The following GLIS3 variants were observed in gnomAD, a reference collection of about 807,000 sequenced individuals.
The protein encoded by GLIS3 is zinc finger protein GLIS3.
Under a neutral mutation model 78.6 loss-of-function variants are expected in GLIS3, and 53 were observed. That is an observed-to-expected ratio of 0.67 (90% CI 0.54 to 0.85). The LOEUF is 0.85. Ranked by LOEUF, GLIS3 falls within the 40% of genes least tolerant of loss-of-function variation. The probability of loss-of-function intolerance (pLI) is 0.00; values close to 1 mark genes in which losing one functional copy is unlikely to be tolerated. For synonymous variants in GLIS3, 684 were observed against 509.9 expected (o/e 1.34, Z -4.60); for missense variants, 1,703 against 1,231.1 (o/e 1.38, Z -5.74).
chr9:4,366,835 G>A, the GLIS3 span, among the ~76,000 whole-genome samples: 1 of 152,170 alleles, frequency 6.6e-6, no homozygotes, highest in Non-Finnish European at 1.5e-5. Flanking sequence ...CCAAACAGTT[G>A]AGCCAACTGC....
chr9:4,206,396 A>G (rs761767826), intron 2 of GLIS3, among the ~76,000 whole-genome samples: 2 of 152,174 alleles, frequency 1.3e-5, no homozygotes, highest in Non-Finnish European at 2.9e-5. Flanking sequence ...CTAACATCTA[A>G]CCTTGAAAGA....
the GLIS3 span, among the ~76,000 whole-genome samples, chr9:4,385,773 G>C: frequency 1.2e-4 from 8 of 69,386 alleles, 1 homozygote; most frequent in African/African-American, 6.2e-4. Flanking sequence ...AAGAAAGAAA[G>C]AAAGAAAGAA....
Position 3,833,135 on chromosome 9 carries a change from C to T in GLIS3, c.2474-3643G>A, listed in dbSNP as rs116232989. Among the ~76,000 whole-genome samples, 585 of 152,310 alleles carry T rather than the reference C, an allele frequency of 3.8e-3. 5 individuals are homozygous for T. The highest frequency in any genetic ancestry group is 0.013 in the African/African-American group (561 of 41,574). ...ATCTGAGCGAGGAGGACAGAGTAGA[C>T]TCTAATTCCTGCCTGTGGGTGTCTT... On this transcript the variant is annotated intron_variant, in intron 9 of 10. Coordinates refer to ENST00000381971, the MANE Select transcript of GLIS3 (RefSeq NM_001042413.2).
intron 2 of GLIS3, among the ~76,000 whole-genome samples, chr9:4,144,163 T>C (rs1834028039): frequency 6.6e-6 from 1 of 152,118 alleles, no homozygotes; most frequent in African/African-American, 2.4e-5. Flanking sequence ...TGCTGTCCTG[T>C]CATCTGACAC....
chr9:4,184,024 G>A (rs1385560251), intron 2 of GLIS3, among the ~76,000 whole-genome samples: 1 of 152,098 alleles, frequency 6.6e-6, no homozygotes, highest in Non-Finnish European at 1.5e-5. Flanking sequence ...GGAAATCAAT[G>A]AGGAACATGA....
At chr9:4,446,405 G>A in the GLIS3 span, among the ~76,000 whole-genome samples, 1 of 151,876 alleles carries the variant, frequency 6.6e-6, no homozygotes, top group African/African-American at 2.4e-5. Flanking sequence ...CCAGTCTCCA[G>A]AAACATGAGA....
chr9:4,144,921 A>G (rs1489201085), intron 2 of GLIS3: 3 of 152,230 alleles, frequency 2.0e-5, no homozygotes, highest in East Asian at 1.9e-4. Context: ...CTTGTTCTTC[A>G]TAACTGTCTT....
intron 4 of GLIS3, among the ~76,000 whole-genome samples, chr9:4,093,942 T>A (rs1364568591): frequency 6.6e-6 from 1 of 152,210 alleles, no homozygotes; most frequent in Non-Finnish European, 1.5e-5. Context: ...AGGTCAACTG[T>A]GTATTGAATC....
chr9:4,285,969 G>A (rs1419660307), intron 2 of GLIS3, 69 bp downstream of exon 2: 29 of 1,566,420 alleles, frequency 1.9e-5, no homozygotes, highest in Non-Finnish European at 2.5e-5. Context: ...AGGATTTGCT[G>A]GCAGAAAATG....
At chr9:4,060,817 AT>A (rs1826584679) in intron 4 of GLIS3, among the ~76,000 whole-genome samples, 1 of 152,220 alleles carries the variant, frequency 6.6e-6, no homozygotes, top group Non-Finnish European at 1.5e-5. Context: ...GGACTAAGAC[AT>A]GTGACATATT....
the GLIS3 span, among the ~76,000 whole-genome samples, chr9:4,360,998 A>G: frequency 6.6e-6 from 1 of 152,206 alleles, no homozygotes; most frequent in South Asian, 2.1e-4. Flanking sequence ...CCTTTGTCCT[A>G]GCCTTGACAT....
intron 4 of GLIS3, among the ~76,000 whole-genome samples, chr9:4,041,352 GAACTA>G (rs1157755937): frequency 6.6e-6 from 1 of 152,192 alleles, no homozygotes; most frequent in Admixed American, 6.5e-5. Flanking sequence ...CTGCTGAAAC[GAACTA>G]TCTTGCCCCC....
chr9:4,464,547 A>C, the GLIS3 span, among the ~76,000 whole-genome samples: 1 of 152,002 alleles, frequency 6.6e-6, no homozygotes, highest in African/African-American at 2.4e-5. Context: ...AGTGCCCACC[A>C]CAACACCAGC....
At chr9:4,401,838 G>C in the GLIS3 span, among the ~76,000 whole-genome samples, 7 of 152,060 alleles carry the variant, frequency 4.6e-5, no homozygotes, top group Non-Finnish European at 8.8e-5. Context: ...GTGAGCATTG[G>C]TGGTGGCCTG....
chr9:3,933,846 C>CT (rs1825750608), intron 5 of GLIS3, among the ~76,000 whole-genome samples: 1 of 152,144 alleles, frequency 6.6e-6, no homozygotes, highest in African/African-American at 2.4e-5. Flanking sequence ...TGGTTCACTC[C>CT]TTTTTTTGTG....
intron 4 of GLIS3, among the ~76,000 whole-genome samples, chr9:4,060,157 A>G (rs1415714213): frequency 2.0e-5 from 3 of 152,086 alleles, no homozygotes; most frequent in Non-Finnish European, 4.4e-5. Context: ...GAGTTTGGAC[A>G]TCCTAGCCTA....
At chr9:4,180,902 T>C (rs1433907813) in intron 2 of GLIS3, among the ~76,000 whole-genome samples, 2 of 152,182 alleles carry the variant, frequency 1.3e-5, no homozygotes, top group Non-Finnish European at 2.9e-5. Flanking sequence ...CCCACCCAAG[T>C]ACAGGTCCCT....
chr9:4,303,805 A>G (rs1301354600), upstream of GLIS3, among the ~76,000 whole-genome samples: 1 of 152,376 alleles, frequency 6.6e-6, no homozygotes, highest in East Asian at 1.9e-4. Context: ...TTGACATATT[A>G]CTTAGGTATA....
At chr9:3,865,894 CA>C (rs145155549) in intron 8 of GLIS3, among the ~76,000 whole-genome samples, 6,014 of 152,160 alleles carry the variant, frequency 0.04, 163 homozygotes, top group Middle Eastern at 0.078. Flanking sequence ...CAGTGCATTT[CA>C]AAAATAAAAC....
Sources: allele counts gnomAD v4.1 joint callset (sites outside exome capture counted in the v4.1 genomes callset), GRCh38; gene constraint gnomAD v4.1.1; transcripts MANE v1.5; gene names NCBI Gene and HGNC (gene_info 2026-07-23, HGNC 2026-07-21).